The following CADM2 variants were observed in gnomAD, a reference collection of about 807,000 sequenced individuals.
CADM2 encodes cell adhesion molecule 2, also known as immunoglobulin superfamily member 4D.
In CADM2, 12 loss-of-function variants were observed where a neutral mutation model predicts 49.8. The ratio of observed to expected loss-of-function variants is 0.24; its 90% CI spans 0.15 to 0.39. The LOEUF (loss-of-function observed/expected upper bound fraction) is 0.39. CADM2 is among the 10% of genes least tolerant of loss of function. The pLI, the probability that CADM2 is intolerant of heterozygous loss-of-function variation, is 1.00. For synonymous variants in CADM2, 214 were observed against 175.4 expected (o/e 1.22, Z -1.74); for missense variants, 378 against 492.3 (o/e 0.77, Z 2.20).
chr3:85,869,568 C>T (rs2075841902), intron 3 of CADM2, among the ~76,000 whole-genome samples: 1 of 152,032 alleles, frequency 6.6e-6, no homozygotes. Context: ...GTCTCAGATA[C>T]TTCTAACAGA....
At chr3:85,861,547 G>A (rs2075534650) in intron 3 of CADM2, among the ~76,000 whole-genome samples, 1 of 152,162 alleles carries the variant, frequency 6.6e-6, no homozygotes, top group Non-Finnish European at 1.5e-5. Context: ...GAGATGTGGA[G>A]TGAGCAGTTG....
intron 1 of CADM2, among the ~76,000 whole-genome samples, chr3:85,634,712 A>G (rs1259351872): frequency 6.6e-6 from 1 of 152,072 alleles, no homozygotes; most frequent in African/African-American, 2.4e-5. Context: ...TATATTATCA[A>G]TGTGTACTTG....
At chr3:85,027,870 C>T (rs2034805345) in intron 1 of CADM2, among the ~76,000 whole-genome samples, 1 of 152,056 alleles carries the variant, frequency 6.6e-6, no homozygotes, top group South Asian at 2.1e-4. Context: ...GAATATTTGC[C>T]CAAACCAGTC....
At chr3:85,279,753 A>G (rs1338434300) in intron 1 of CADM2, among the ~76,000 whole-genome samples, 1 of 151,534 alleles carries the variant, frequency 6.6e-6, no homozygotes, top group African/African-American at 2.4e-5. Flanking sequence ...ATTCTCACCA[A>G]TAATGTTAAT....
At chr3:85,437,785 T>C (rs2037001891) in intron 1 of CADM2, among the ~76,000 whole-genome samples, 1 of 152,024 alleles carries the variant, frequency 6.6e-6, no homozygotes, top group Non-Finnish European at 1.5e-5. Flanking sequence ...TATTGTTCCT[T>C]TTTTCTAAAT....
chr3:85,122,557 T>C (rs772571599), intron 1 of CADM2, among the ~76,000 whole-genome samples: 3 of 152,174 alleles, frequency 2.0e-5, no homozygotes, highest in African/African-American at 4.8e-5. Context: ...TTTTGAGTTT[T>C]AGGTATGAAC....
At chr3:85,195,432 C>A (rs2041318764) in intron 1 of CADM2, among the ~76,000 whole-genome samples, 2 of 151,860 alleles carry the variant, frequency 1.3e-5, no homozygotes, top group South Asian at 4.2e-4. Flanking sequence ...TACTATGAAA[C>A]CTCTGTGTCT....
chr3:85,945,985 A>G (rs1722640694), intron 7 of CADM2, among the ~76,000 whole-genome samples: 1 of 152,100 alleles, frequency 6.6e-6, no homozygotes, highest in Non-Finnish European at 1.5e-5. Context: ...GAGGAAGTCA[A>G]ATTGTCCCTG....
chr3:85,023,087 A>G (rs984041048), intron 1 of CADM2, among the ~76,000 whole-genome samples: 1 of 152,182 alleles, frequency 6.6e-6, no homozygotes, highest in Admixed American at 6.5e-5. Flanking sequence ...TGAATAGTAA[A>G]GAAAGAGTTT....
chr3:84,977,865 G>A (rs2107122322), intron 1 of CADM2, among the ~76,000 whole-genome samples: 1 of 152,154 alleles, frequency 6.6e-6, no homozygotes, highest in South Asian at 2.1e-4. Context: ...ATCAGCAGGT[G>A]TTTCAAAGGG....
intron 1 of CADM2, among the ~76,000 whole-genome samples, chr3:85,703,410 G>A (rs1390245014): frequency 6.6e-6 from 1 of 152,036 alleles, no homozygotes; most frequent in East Asian, 1.9e-4. Flanking sequence ...TACACAGCTG[G>A]TATACATAAT....
intron 1 of CADM2, among the ~76,000 whole-genome samples, chr3:85,677,269 TA>T (rs912981509): frequency 6.6e-6 from 1 of 152,198 alleles, no homozygotes; most frequent in Non-Finnish European, 1.5e-5. Flanking sequence ...AACTTGAATA[TA>T]TTTTTAGCTT....
intron 3 of CADM2, chr3:85,827,961 A>C (rs2074001317): frequency 6.6e-6 from 1 of 151,890 alleles, no homozygotes; most frequent in Non-Finnish European, 1.5e-5. Flanking sequence ...TAGTTTATGA[A>C]AAGAATAAGA....
At position 85,437,159 on chromosome 3, in the gene CADM2, A is replaced by G. The variant is rs765462655; in HGVS notation, c.62-289363A>G. Among the ~76,000 whole-genome samples, 58 of 152,096 alleles carry G rather than the reference A, an allele frequency of 3.8e-4. 1 individual carries two copies. Among genetic ancestry groups the G allele is most frequent in the South Asian group, 1.2e-3 (6 of 4,818 alleles). On this transcript the variant is annotated intron_variant, in intron 1 of 9. Transcript: ENST00000383699. ...AGAAATATGCATTTTAGTTTCCTCT[A>G]TGTCTTTTCATGCTTTGATAGCTCA...
chr3:85,970,562 T>A (rs1444804315), intron 8 of CADM2, among the ~76,000 whole-genome samples: 1 of 151,684 alleles, frequency 6.6e-6, no homozygotes, highest in East Asian at 1.9e-4. Context: ...ATAACAATCT[T>A]TGAAACATTA....
chr3:85,057,312 T>A (rs879355845), intron 1 of CADM2, among the ~76,000 whole-genome samples: 4 of 152,084 alleles, frequency 2.6e-5, no homozygotes, highest in Non-Finnish European at 5.9e-5. Context: ...CAGAATTTTT[T>A]TTTTGTTATG....
chr3:85,253,692 A>G (rs1379759015), intron 1 of CADM2, among the ~76,000 whole-genome samples: 1 of 152,046 alleles, frequency 6.6e-6, no homozygotes, highest in Non-Finnish European at 1.5e-5. Flanking sequence ...ATACTTCTCA[A>G]GCTGAGCTGA....
chr3:84,998,358 ATGTTC>A (rs769081880), intron 1 of CADM2, among the ~76,000 whole-genome samples: 6 of 152,122 alleles, frequency 3.9e-5, no homozygotes, highest in African/African-American at 7.2e-5. Context: ...TATAGCAAAT[ATGTTC>A]TCCGGAGCAA....
chr3:85,735,283 G>A (rs988819844), intron 2 of CADM2, among the ~76,000 whole-genome samples: 12 of 152,064 alleles, frequency 7.9e-5, no homozygotes, highest in African/African-American at 1.4e-4. Context: ...AATTGATGGC[G>A]AGGAAGCAAG....
Sources: allele counts gnomAD v4.1 joint callset (sites outside exome capture counted in the v4.1 genomes callset), GRCh38; gene constraint gnomAD v4.1.1; transcripts MANE v1.5; gene names NCBI Gene and HGNC (gene_info 2026-07-23, HGNC 2026-07-21).